Variants in ERICH3 observed in about 807,000 individuals in gnomAD.
The protein encoded by ERICH3 is glutamate-rich protein 3.
A neutral mutation model predicts 131.1 loss-of-function variants in ERICH3; 126 were observed. The ratio of observed to expected loss-of-function variants is 0.96; its 90% CI spans 0.83 to 1.11. ERICH3 has a LOEUF of 1.11. Ranked by LOEUF, ERICH3 falls within the 50% of genes most tolerant of loss-of-function variation. ERICH3 has a pLI of 0.00. For synonymous variants in ERICH3, 695 were observed against 644.6 expected (o/e 1.08, Z -1.18); for missense variants, 2,050 against 1,810.7 (o/e 1.13, Z -2.40).
At chr1:74,658,825 T>A (rs532350694) in intron 1 of ERICH3, among the ~76,000 whole-genome samples, 12 of 152,304 alleles carry the variant, frequency 7.9e-5, no homozygotes, top group Middle Eastern at 3.4e-3. Flanking sequence ...TTCCAACAAG[T>A]TGTTTACTCA....
At chr1:74,674,129 T>C (rs1004931675), upstream of ERICH3, among the ~76,000 whole-genome samples, 14 of 152,130 alleles carry the variant, frequency 9.2e-5, no homozygotes, top group Admixed American at 8.5e-4. Context: ...TCAATCTGTT[T>C]TGGGTTTTGA....
intron 7 of ERICH3, chr1:74,623,143 T>A (rs1423128749): frequency 6.6e-6 from 1 of 152,222 alleles, no homozygotes; most frequent in Non-Finnish European, 1.5e-5. Context: ...AAACCTTCCA[T>A]GAAAATTCAG....
chr1:74,625,143 A>G (rs955158188), intron 7 of ERICH3: 1 of 152,036 alleles, frequency 6.6e-6, no homozygotes, highest in Non-Finnish European at 1.5e-5. Context: ...TCCTCTTGGG[A>G]ACTGTGAGTA....
At chr1:74,672,094 A>AT (rs1224768751) in intron 1 of ERICH3, among the ~76,000 whole-genome samples, 1 of 152,172 alleles carries the variant, frequency 6.6e-6, no homozygotes, top group Non-Finnish European at 1.5e-5. Flanking sequence ...CAATAGCTAC[A>AT]TTTTTCTCAC....
intron 1 of ERICH3, among the ~76,000 whole-genome samples, chr1:74,653,252 A>G (rs1459857414): frequency 6.6e-6 from 1 of 152,140 alleles, no homozygotes; most frequent in East Asian, 1.9e-4. Context: ...TTATTGTTTA[A>G]TGACTAATTT....
chr1:74,613,114 C>G (rs1167452056), intron 8 of ERICH3, among the ~76,000 whole-genome samples: 1 of 152,092 alleles, frequency 6.6e-6, no homozygotes, highest in Non-Finnish European at 1.5e-5. Flanking sequence ...CAGCCTGTGG[C>G]TCACAGATTG....
At chr1:74,643,829 T>G (rs1387296305) in intron 3 of ERICH3, among the ~76,000 whole-genome samples, 2 of 152,074 alleles carry the variant, frequency 1.3e-5, no homozygotes, top group East Asian at 3.9e-4. Flanking sequence ...GCTTCCTGTT[T>G]TTCGCTTGTT....
intron 12 of ERICH3, among the ~76,000 whole-genome samples, chr1:74,583,722 A>G (rs569006373): frequency 6.6e-6 from 1 of 152,298 alleles, no homozygotes; most frequent in South Asian, 2.1e-4. Context: ...TGGTTATTCT[A>G]TTTCATGCTT....
At chr1:74,576,502 GCAT>G (rs1285723513) in intron 13 of ERICH3, among the ~76,000 whole-genome samples, 3 of 152,150 alleles carry the variant, frequency 2.0e-5, no homozygotes, top group African/African-American at 7.2e-5. Flanking sequence ...CAGGGAACCA[GCAT>G]AAATACAGGT....
At chr1:74,653,060 G>A (rs560573121) in intron 1 of ERICH3, among the ~76,000 whole-genome samples, 2 of 152,044 alleles carry the variant, frequency 1.3e-5, no homozygotes, top group East Asian at 1.9e-4. Context: ...TCCCAGCTGC[G>A]GCCTTTCAGC....
At chr1:74,627,097 G>A (rs546255706) in intron 7 of ERICH3, among the ~76,000 whole-genome samples, 9 of 152,100 alleles carry the variant, frequency 5.9e-5, no homozygotes, top group African/African-American at 9.6e-5. Context: ...CTAAATAAAC[G>A]AAACTCAAGT....
rs781244402 is a variant in ERICH3, at chr1:74,638,276, G to A, written c.445-1838C>T. Reference sequence around the variant, plus strand: ...TTATTGAATTCCCACCATAGAAACCGTGAGAACATAAAAAGTAATTTTTAA... The same window carrying A: ...TTATTGAATTCCCACCATAGAAACCATGAGAACATAAAAAGTAATTTTTAA... On this transcript the variant is annotated intron_variant, in intron 5 of 14. Transcript: ENST00000326665. Among the ~76,000 whole-genome samples the A allele has an allele frequency of 7.0e-4, 106 of 152,200 alleles. 1 individual carries two copies. Among genetic ancestry groups the A allele is most frequent in the Admixed American group, 1.4e-3 (21 of 15,292 alleles).
intron 1 of ERICH3, among the ~76,000 whole-genome samples, chr1:74,669,611 T>C (rs1646723050): frequency 1.3e-5 from 2 of 152,226 alleles, no homozygotes; most frequent in Admixed American, 6.5e-5. Context: ...TCATTCAAGA[T>C]AGCAATGCTG....
intron 9 of ERICH3, among the ~76,000 whole-genome samples, chr1:74,610,020 C>A (rs1449882069): frequency 2.0e-5 from 3 of 151,980 alleles, no homozygotes; most frequent in African/African-American, 4.8e-5. Flanking sequence ...TATACCACAA[C>A]TCCCAAAGAA....
chr1:74,670,453 G>A (rs1361896143), intron 1 of ERICH3, among the ~76,000 whole-genome samples: 1 of 152,158 alleles, frequency 6.6e-6, no homozygotes, highest in Non-Finnish European at 1.5e-5. Context: ...GTTGCAGGAA[G>A]TCAGGGACCC....
At chr1:74,649,761 C>T (rs907683082) in intron 1 of ERICH3, among the ~76,000 whole-genome samples, 5 of 152,094 alleles carry the variant, frequency 3.3e-5, no homozygotes, top group Non-Finnish European at 7.4e-5. Context: ...TGTCTCTCAT[C>T]TTCAGAATAC....
chr1:74,627,856 A>G (rs921954965), intron 7 of ERICH3, among the ~76,000 whole-genome samples: 1 of 152,194 alleles, frequency 6.6e-6, no homozygotes, highest in African/African-American at 2.4e-5. Context: ...AAATATATGT[A>G]GATGCTAGTC....
chr1:74,576,901 G>T lies in ERICH3; in HGVS notation c.2212C>A (p.Leu738Ile), dbSNP rs151073055. Residue 738 changes from leucine (L) to isoleucine (I), a missense_variant, in exon 13 of 15, where the codon CTT becomes ATT. Coordinates refer to ENST00000326665, the MANE Select transcript of ERICH3 (RefSeq NM_001002912.5). The part of the protein sequence containing the change: ...DSLPLAYVLA[L>I]GAPTMNFMVD... ...TTGCAGATGGAATACTTACCACCAA[G>T]AGCCAGGACATAGGCTAATGGCAAT... 1 of 1,596,442 alleles carries T rather than the reference G, an allele frequency of 6.3e-7. No homozygotes were observed. Among genetic ancestry groups the T allele is most frequent in the African/African-American group, 1.4e-5 (1 of 72,566 alleles).
Position 74,576,881 on chromosome 1 carries a change from G to T in ERICH3, c.2218+14C>A. The T allele has an allele frequency of 6.3e-7, 1 of 1,592,344 alleles. No homozygotes were observed. Among genetic ancestry groups the T allele is most frequent in the Non-Finnish European group, 8.5e-7 (1 of 1,170,364 alleles). ...GATCACTCTAATTGGACCTCTTGCA[G>T]ATGGAATACTTACCACCAAGAGCCA... On this transcript the variant is annotated intron_variant, in intron 13 of 14. Coordinates refer to ENST00000326665, the MANE Select transcript of ERICH3 (RefSeq NM_001002912.5).
Sources: allele counts gnomAD v4.1 joint callset (sites outside exome capture counted in the v4.1 genomes callset), GRCh38; gene constraint gnomAD v4.1.1; transcripts MANE v1.5; gene names NCBI Gene and HGNC (gene_info 2026-07-23, HGNC 2026-07-21).